KLHL6: variants seen among roughly 807,000 people sequenced by gnomAD.
KLHL6 encodes the protein kelch-like protein 6.
A neutral mutation model predicts 58.6 loss-of-function variants in KLHL6; 41 were observed. That is an observed-to-expected ratio of 0.70 (90% CI 0.55 to 0.91). The LOEUF (loss-of-function observed/expected upper bound fraction) is 0.91. KLHL6 is among the 40% of genes least tolerant of loss of function. The pLI, the probability that KLHL6 is intolerant of heterozygous loss-of-function variation, is 0.00. For synonymous variants in KLHL6, 338 were observed against 322.7 expected, an observed-to-expected ratio of 1.05 and a Z score of -0.51; for missense variants, 714 against 805.6, an observed-to-expected ratio of 0.89 and a Z score of 1.38.
chr3:183,541,424 G>A (rs545836023), intron 1 of KLHL6, among the ~76,000 whole-genome samples: 4 of 152,330 alleles, frequency 2.6e-5, no homozygotes, highest in African/African-American at 9.6e-5. Flanking sequence ...CACAGGCCAG[G>A]CTTGACTTGA....
At chr3:183,527,712 GTGTT>G (rs1712021330) in intron 2 of KLHL6, 129 bp downstream of exon 2, 2 of 720,516 alleles carry the variant, frequency 2.8e-6, no homozygotes, top group South Asian at 3.7e-5. Context: ...GTGTGTGTGT[GTGTT>G]TGTGTGCGTG....
rs751137023 is a variant in KLHL6 at position 183,492,475 on chromosome 3, A to G, written c.1564+19T>C. On this transcript the variant is annotated intron_variant, in intron 6 of 6. Coordinates refer to ENST00000341319, the MANE Select transcript of KLHL6 (RefSeq NM_130446.4). This position sits in a 1 kb window ranked among gnomAD's most constrained non-coding sequence, Gnocchi z 5.9. ...ATCAGGTTCTAAGCCATTCAGACCA[A>G]TAAGAAGCCATTACTCACCAACGAC... 4.3e-6 allele frequency: 7 copies of G among 1,613,608 alleles called. No individual in the cohort carries two copies. Among genetic ancestry groups the G allele is most frequent in the South Asian group, 3.3e-5 (3 of 91,052 alleles).
chr3:183,553,124 A>C (rs1712993422), intron 1 of KLHL6, among the ~76,000 whole-genome samples: 1 of 152,204 alleles, frequency 6.6e-6, no homozygotes, highest in South Asian at 2.1e-4. Context: ...TGAAAATCCC[A>C]AGAGAAGAAG....
At chr3:183,513,761 T>A (rs777142572) in intron 2 of KLHL6, among the ~76,000 whole-genome samples, 1 of 152,140 alleles carries the variant, frequency 6.6e-6, no homozygotes, top group Non-Finnish European at 1.5e-5. Context: ...AATGTGCAGG[T>A]TTGTTACATA....
chr3:183,528,088 T>C (rs908201011), intron 1 of KLHL6, 78 bp from the exon 2 acceptor site: 103 of 1,518,360 alleles, frequency 6.8e-5, no homozygotes, highest in Middle Eastern at 5.2e-4. Context: ...TTCAGACTCA[T>C]CAGGCCCTCA....
intron 2 of KLHL6, among the ~76,000 whole-genome samples, chr3:183,513,810 G>A (rs921982753): frequency 1.3e-5 from 2 of 151,958 alleles, no homozygotes; most frequent in African/African-American, 2.4e-5. Context: ...CTATCAACCC[G>A]TCATCTAGGT....
chr3:183,539,500 G>A (rs1269256109), intron 1 of KLHL6, among the ~76,000 whole-genome samples: 1 of 152,062 alleles, frequency 6.6e-6, no homozygotes, highest in African/African-American at 2.4e-5. Flanking sequence ...TCGAGGTCAG[G>A]AGTTCAAGAC....
Position 183,523,905 on chromosome 3 carries a change from GC to G in KLHL6, c.459+3939del, listed in dbSNP as rs1711856224. Among the ~76,000 whole-genome samples, 2 of 151,798 alleles carry G rather than the reference GC, an allele frequency of 1.3e-5. 1 individual carries two copies. Among genetic ancestry groups the G allele is most frequent in the Admixed American group, 1.3e-4 (2 of 15,234 alleles). ...CTCCTGAGTAGCTGGGATTACAGGC[GC>G]CCACCACCACACCTGGCTAATTTTT... On this transcript the variant is annotated intron_variant, in intron 2 of 6. Coordinates refer to ENST00000341319, the MANE Select transcript of KLHL6 (RefSeq NM_130446.4).
intron 1 of KLHL6, among the ~76,000 whole-genome samples, chr3:183,540,278 T>C (rs1043035081): frequency 5.3e-5 from 8 of 152,154 alleles, no homozygotes; most frequent in Admixed American, 3.9e-4. Context: ...CTTGTCCTCA[T>C]GTGTGAATAC....
intron 3 of KLHL6, among the ~76,000 whole-genome samples, chr3:183,504,785 C>T (rs141389786): frequency 0.014 from 2,172 of 152,224 alleles, 27 homozygotes; most frequent in South Asian, 0.048. Context: ...CAGATTATTT[C>T]ATCATCCGTA....
chr3:183,533,496 C>T (rs1461482995), intron 1 of KLHL6, among the ~76,000 whole-genome samples: 3 of 151,404 alleles, frequency 2.0e-5, no homozygotes, highest in African/African-American at 7.3e-5. Flanking sequence ...GTGGTGAACT[C>T]TGGGGCTCAA....
chr3:183,555,277 A>G (rs1713068239), intron 1 of KLHL6, 84 bp downstream of exon 1: 1 of 1,127,524 alleles, frequency 8.9e-7, no homozygotes, highest in Non-Finnish European at 1.3e-6. Context: ...ATCATGGCCA[A>G]CTGTTCAAGA....
At chr3:183,549,629 CTCCCGAG>C (rs1234564086) in intron 1 of KLHL6, among the ~76,000 whole-genome samples, 1 of 152,182 alleles carries the variant, frequency 6.6e-6, no homozygotes, top group Non-Finnish European at 1.5e-5. Context: ...CTGCTTCAGC[CTCCCGAG>C]TAGCTGGGAC....
At chr3:183,530,105 A>T (rs902821829) in intron 1 of KLHL6, among the ~76,000 whole-genome samples, 1 of 152,140 alleles carries the variant, frequency 6.6e-6, no homozygotes, top group African/African-American at 2.4e-5. Flanking sequence ...TAATCCATCC[A>T]GTCGATGGTG....
At chr3:183,534,902 G>A (rs1712307357) in intron 1 of KLHL6, among the ~76,000 whole-genome samples, 2 of 147,472 alleles carry the variant, frequency 1.4e-5, no homozygotes, top group Non-Finnish European at 3.0e-5. Flanking sequence ...ATATATGTAT[G>A]TATGTATGTA....
intron 1 of KLHL6, among the ~76,000 whole-genome samples, chr3:183,550,443 G>A (rs765207113): frequency 8.6e-5 from 13 of 151,508 alleles, no homozygotes; most frequent in African/African-American, 2.4e-4. Context: ...ACACACGCAC[G>A]CACACACACA....
intron 2 of KLHL6, among the ~76,000 whole-genome samples, chr3:183,525,269 A>C (rs199979567): frequency 0.46 from 60,726 of 131,480 alleles, 14,673 homozygotes; most frequent in Non-Finnish European, 0.53. Context: ...CTAAAAAAAA[A>C]ACACACACAC....
At chr3:183,554,331 C>A (rs2108703776) in intron 1 of KLHL6, among the ~76,000 whole-genome samples, 1 of 152,324 alleles carries the variant, frequency 6.6e-6, no homozygotes, top group East Asian at 1.9e-4. Context: ...TATTGAGCAT[C>A]TACTTACTAT....
At chr3:183,507,635 A>T (rs1394539357) in intron 3 of KLHL6, among the ~76,000 whole-genome samples, 1 of 152,030 alleles carries the variant, frequency 6.6e-6, no homozygotes, top group Non-Finnish European at 1.5e-5. Flanking sequence ...GGGTTTCACC[A>T]TGTTGGCCAG....
Sources: allele counts gnomAD v4.1 joint callset (sites outside exome capture counted in the v4.1 genomes callset), GRCh38; gene constraint gnomAD v4.1.1; non-coding constraint Gnocchi (gnomAD v3.1); transcripts MANE v1.5; gene names NCBI Gene and HGNC (gene_info 2026-07-23, HGNC 2026-07-21).